CAB39: variants seen among roughly 807,000 people sequenced by gnomAD.
CAB39 encodes the protein calcium binding protein 39.
Under a neutral mutation model 40.0 loss-of-function variants are expected in CAB39, and 8 were observed. The ratio of observed to expected loss-of-function variants is 0.20; its 90% CI spans 0.12 to 0.36. The LOEUF (loss-of-function observed/expected upper bound fraction) is 0.36. CAB39 is among the 10% of genes least tolerant of loss of function. CAB39 has a pLI of 1.00. For missense variants in CAB39, 270 were observed against 401.1 expected (o/e 0.67, Z 2.79); for synonymous variants, 156 against 141.6 (o/e 1.10, Z -0.72).
intron 1 of CAB39, among the ~76,000 whole-genome samples, chr2:230,726,468 G>C (rs564316812): frequency 1.3e-5 from 2 of 152,018 alleles, no homozygotes; most frequent in African/African-American, 4.8e-5. Context: ...CACTGCACCT[G>C]GTCTCATTTT....
chr2:230,779,617 G>A (rs1695652823), intron 2 of CAB39, among the ~76,000 whole-genome samples: 1 of 152,210 alleles, frequency 6.6e-6, no homozygotes, highest in Admixed American at 6.5e-5. Context: ...GGAACACCAT[G>A]TTCAACTGAG....
chr2:230,786,383 A>G (rs910334598), intron 2 of CAB39, among the ~76,000 whole-genome samples: 2 of 151,860 alleles, frequency 1.3e-5, no homozygotes, highest in African/African-American at 4.8e-5. Flanking sequence ...TGGGGGGAAC[A>G]GCTTTATTGA....
chr2:230,764,952 A>C (rs562117720), intron 2 of CAB39, among the ~76,000 whole-genome samples: 101 of 152,304 alleles, frequency 6.6e-4, no homozygotes, highest in African/African-American at 2.4e-3. Context: ...AATAAAATTA[A>C]ATTTTTACTG....
intron 6 of CAB39, 69 bp from the exon 7 acceptor site, chr2:230,813,980 T>TG: frequency 1.3e-5 from 2 of 159,550 alleles, no homozygotes; most frequent in East Asian, 1.2e-4. Context: ...CTACCAGTCT[T>TG]TTTTTTTTTT....
At chr2:230,736,384 T>C (rs1180303456) in intron 1 of CAB39, among the ~76,000 whole-genome samples, 1 of 152,194 alleles carries the variant, frequency 6.6e-6, no homozygotes, top group Non-Finnish European at 1.5e-5. Flanking sequence ...TCTTTTTTTC[T>C]TCTCCCCTTC....
At chr2:230,746,429 C>T (rs1352658911) in intron 1 of CAB39, among the ~76,000 whole-genome samples, 2 of 152,178 alleles carry the variant, frequency 1.3e-5, no homozygotes, top group East Asian at 1.9e-4. Flanking sequence ...AAAGCTGTGA[C>T]GCTGCATAAC....
At chr2:230,808,592 CGTT>C (rs1334687344) in intron 5 of CAB39, among the ~76,000 whole-genome samples, 1 of 151,780 alleles carries the variant, frequency 6.6e-6, no homozygotes, top group African/African-American at 2.4e-5. Flanking sequence ...GGAGGGGAAA[CGTT>C]GTAGCACTTC....
At chr2:230,764,285 A>G (rs911200954) in intron 2 of CAB39, among the ~76,000 whole-genome samples, 4 of 152,208 alleles carry the variant, frequency 2.6e-5, no homozygotes, top group Non-Finnish European at 5.9e-5. Context: ...AATAAATTAC[A>G]TGAGATATTC....
In CAB39 at chr2:230,819,533, T is replaced by C. The variant is rs769369645; in HGVS notation, c.*829T>C. On this transcript the variant is annotated 3_prime_UTR_variant, in exon 9 of 9. Coordinates refer to ENST00000258418, the MANE Select transcript of CAB39 (RefSeq NM_016289.4). ...TGGTTTAATTTGTACAGCAGAGGAA[T>C]GTTATTGTAGTAGTATGTAACTATT... 2 of 152,678 alleles carry C rather than the reference T, an allele frequency of 1.3e-5. No individual in the cohort carries two copies. Among genetic ancestry groups the C allele is most frequent in the Non-Finnish European group, 2.9e-5 (2 of 68,052 alleles). 9.5% of individuals were successfully genotyped at this position (152,678 alleles called of 1,614,324 possible). A position where few individuals can be genotyped will look rare whatever the true frequency, so the allele number is the denominator to read the frequency against.
At chr2:230,811,878 A>G (rs1017756821) in intron 6 of CAB39, among the ~76,000 whole-genome samples, 1 of 152,242 alleles carries the variant, frequency 6.6e-6, no homozygotes, top group African/African-American at 2.4e-5. Context: ...AATCTGTTTA[A>G]TCTTGCAGTA....
At chr2:230,809,696 G>A (rs557624258) in intron 5 of CAB39, among the ~76,000 whole-genome samples, 3 of 152,302 alleles carry the variant, frequency 2.0e-5, no homozygotes, top group Admixed American at 6.5e-5. Context: ...GTTCACAGTC[G>A]TTGTTAATTC....
intron 1 of CAB39, among the ~76,000 whole-genome samples, chr2:230,746,371 A>G (rs79883094): frequency 1.3e-5 from 2 of 152,222 alleles, no homozygotes; most frequent in Non-Finnish European, 2.9e-5. Flanking sequence ...ACACACCTTA[A>G]TCAATGACTC....
intron 1 of CAB39, among the ~76,000 whole-genome samples, chr2:230,742,866 A>ATGGACTT (rs1398920069): frequency 6.6e-6 from 1 of 152,190 alleles, no homozygotes; most frequent in Non-Finnish European, 1.5e-5. Context: ...GGCTGCCTTC[A>ATGGACTT]TGGACTTTTG....
At chr2:230,787,252 TTTG>T (rs2124952534) in intron 2 of CAB39, among the ~76,000 whole-genome samples, 1 of 152,270 alleles carries the variant, frequency 6.6e-6, no homozygotes, top group South Asian at 2.1e-4. Context: ...TGCTCCAAGA[TTTG>T]TAGTAGATCA....
intron 2 of CAB39, among the ~76,000 whole-genome samples, chr2:230,777,900 A>T (rs1457188380): frequency 1.3e-5 from 2 of 152,200 alleles, no homozygotes; most frequent in African/African-American, 2.4e-5. Context: ...AGTTGCAGAA[A>T]TGAGTCAGAG....
intron 2 of CAB39, among the ~76,000 whole-genome samples, chr2:230,769,198 A>T (rs752451901): frequency 4.6e-5 from 7 of 152,362 alleles, no homozygotes; most frequent in Non-Finnish European, 1.0e-4. Flanking sequence ...GAAATGTTCC[A>T]ACAGATATAA....
chr2:230,810,593 T>TAGG (rs1377448151), intron 6 of CAB39, among the ~76,000 whole-genome samples: 1 of 152,250 alleles, frequency 6.6e-6, no homozygotes, highest in Non-Finnish European at 1.5e-5. Context: ...GTAAAGATAG[T>TAGG]AGGAAAATTA....
In CAB39 at chr2:230,753,679, G is replaced by A. The variant is rs143486578; in HGVS notation, c.-43-6280G>A. On this transcript the variant is annotated intron_variant, in intron 1 of 8. Transcript: ENST00000258418. ...GAATTGCTTGAACCCAGGAGGTGGA[G>A]GTTATAGCAAGCTGAGATCGCACCA... is the stretch of plus-strand genomic sequence containing the variant. Among the ~76,000 whole-genome samples, 330 of 151,134 alleles carry A rather than the reference G, an allele frequency of 2.2e-3. 1 individual carries two copies. The highest frequency in any genetic ancestry group is 7.8e-3 in the African/African-American group (320 of 41,070).
chr2:230,734,118 C>G (rs1300009801), intron 1 of CAB39, among the ~76,000 whole-genome samples: 1 of 152,124 alleles, frequency 6.6e-6, no homozygotes, highest in Non-Finnish European at 1.5e-5. Context: ...GAGGTGGCCC[C>G]TTGTATTAAT....
Sources: gnomAD v4.1 joint callset for allele counts (sites outside exome capture counted in the v4.1 genomes callset) on GRCh38, gnomAD v4.1.1 for gene constraint, MANE v1.5 for transcripts, NCBI Gene and HGNC (gene_info 2026-07-23, HGNC 2026-07-21) for gene names.